DCAKD: variants seen among roughly 807,000 people sequenced by gnomAD.
DCAKD encodes dephospho-CoA kinase domain-containing protein.
In DCAKD, 15 loss-of-function variants were observed where a neutral mutation model predicts 18.7. The ratio of observed to expected loss-of-function variants is 0.80; its 90% CI spans 0.54 to 1.24. The LOEUF is 1.24. DCAKD is among the 50% of genes most tolerant of loss of function. The pLI is 0.00. For synonymous variants in DCAKD, 130 were observed against 133.0 expected, an observed-to-expected ratio of 0.98 and a Z score of 0.16; for missense variants, 301 against 322.0, an observed-to-expected ratio of 0.93 and a Z score of 0.50.
exon 1 of DCAKD, chr17:45,061,082 C>T: frequency 1.5e-6 from 2 of 1,291,164 alleles, no homozygotes; most frequent in Non-Finnish European, 2.0e-6. Flanking sequence ...AACCTTGCGC[C>T]CCTTCTTTCC....
At chr17:45,046,135 C>G (rs1252528926) in intron 1 of DCAKD, among the ~76,000 whole-genome samples, 1 of 152,088 alleles carries the variant, frequency 6.6e-6, no homozygotes, top group African/African-American at 2.4e-5. Context: ...GCAACATCAA[C>G]TATTTTAAAA....
At chr17:45,047,341 G>C (rs186067123) in intron 1 of DCAKD, among the ~76,000 whole-genome samples, 4 of 152,072 alleles carry the variant, frequency 2.6e-5, no homozygotes, top group African/African-American at 9.7e-5. Context: ...GAATGCAGTG[G>C]TGTGATCACA....
chr17:45,027,649 C>T (rs760563945), intron 4 of DCAKD, among the ~76,000 whole-genome samples: 1 of 152,146 alleles, frequency 6.6e-6, no homozygotes, highest in Non-Finnish European at 1.5e-5. Context: ...CCCACCAAAA[C>T]CCATGGCCAC....
At chr17:45,051,720 T>C (rs1287444763), upstream of DCAKD, 1 of 76,544 alleles carries the variant, frequency 1.3e-5, no homozygotes, top group African/African-American at 5.0e-5. Context: ...CGGGAGAGGT[T>C]GGGTGGGCGG....
chr17:45,055,133 ATATGTCTT>A (rs981829958), upstream of DCAKD, among the ~76,000 whole-genome samples: 3 of 152,098 alleles, frequency 2.0e-5, no homozygotes, highest in Admixed American at 6.6e-5. Flanking sequence ...CAGCTCAAAT[ATATGTCTT>A]TCATGATTCA....
intron 3 of DCAKD, among the ~76,000 whole-genome samples, chr17:45,032,734 G>T (rs2053197792): frequency 6.7e-6 from 1 of 148,578 alleles, no homozygotes; most frequent in Admixed American, 6.7e-5. Flanking sequence ...AGTGAGCCGA[G>T]ATCGCTCCAC....
intron 3 of DCAKD, chr17:45,033,735 G>A (rs1451593886): frequency 1.9e-6 from 1 of 529,928 alleles, no homozygotes; most frequent in East Asian, 9.1e-5. Flanking sequence ...AAAGTGCTGG[G>A]ATTACAGGCA....
intron 1 of DCAKD, among the ~76,000 whole-genome samples, chr17:45,035,480 TA>T (rs35837364): frequency 0.4 from 34,702 of 86,736 alleles, 5,172 homozygotes; most frequent in Non-Finnish European, 0.42. Context: ...AGATTCCTTC[TA>T]AAAAAAAAAA....
At chr17:45,048,128 CATATA>C (rs2053611889) in intron 1 of DCAKD, among the ~76,000 whole-genome samples, 1 of 151,974 alleles carries the variant, frequency 6.6e-6, no homozygotes, top group Admixed American at 6.6e-5. Flanking sequence ...GTATCTCATG[CATATA>C]ATCCCAGCAC....
chr17:45,056,799 GCT>G (rs2053785310), intron 1 of DCAKD, among the ~76,000 whole-genome samples: 1 of 151,380 alleles, frequency 6.6e-6, no homozygotes, highest in African/African-American at 2.4e-5. Context: ...ACAGAGCCTC[GCT>G]CTGTCACCCA....
rs116758369 is a variant in DCAKD at position 45,026,975 on chromosome 17, T to G, written c.405-2251A>C. On this transcript the variant is annotated intron_variant, in intron 4 of 4. Coordinates refer to ENST00000651974, the MANE Select transcript of DCAKD (RefSeq NM_001288655.2). ...GGGCTCAGAAATGGTCCTATTCTAG[T>G]TAGTCTAAGACTTGGTACAATTTGT... 4.8e-3 allele frequency among the ~76,000 whole-genome samples: 737 copies of G among 152,354 alleles called. 4 individuals carry two copies. The highest frequency in any genetic ancestry group is 0.016 in the African/African-American group (678 of 41,574).
chr17:45,040,108 C>T (rs12603364), intron 1 of DCAKD, among the ~76,000 whole-genome samples: 14,752 of 144,948 alleles, frequency 0.1, 853 homozygotes, highest in Middle Eastern at 0.15. Flanking sequence ...AAAAAAAAGG[C>T]CGGGTGTGGT....
At chr17:45,051,296 G>A (rs369870898) in intron 1 of DCAKD, 65 bp downstream of exon 1, 2 of 152,256 alleles carry the variant, frequency 1.3e-5, no homozygotes, top group Admixed American at 6.5e-5. Context: ...TAAAACAGAG[G>A]AAATAACACG....
At chr17:45,032,135 GA>G (rs2053182282) in intron 3 of DCAKD, 1 of 985,488 alleles carries the variant, frequency 1.0e-6, no homozygotes, top group Admixed American at 6.1e-5. Context: ...GCATGGGAGA[GA>G]ATGCAGAAAG....
At chr17:45,033,802 A>G (rs2053225155) in intron 3 of DCAKD, 10 of 1,092,916 alleles carry the variant, frequency 9.1e-6, no homozygotes, top group Non-Finnish European at 1.2e-5. Flanking sequence ...CAAATGAAAA[A>G]ATGAGCTGAG....
Position 45,024,233 on chromosome 17 carries a change from A to C in DCAKD, c.*200T>G. 1.5e-6 allele frequency: 1 copy of C among 645,330 alleles called. No homozygotes were observed. Among genetic ancestry groups the C allele is most frequent in the Non-Finnish European group, 2.5e-6 (1 of 396,412 alleles). The allele number at this position is 645,330 out of a possible 1,614,324, so 40.0% of individuals were successfully genotyped here. A position where few individuals can be genotyped will look rare whatever the true frequency, so the allele number is the denominator to read the frequency against. ...TATTTCTTGATCTCAAATAGGATAC[A>C]CTCCAAAGACGGGATGGCCTGGCAC... On this transcript the variant is annotated 3_prime_UTR_variant, in exon 5 of 5. Transcript: ENST00000651974.
upstream of DCAKD, among the ~76,000 whole-genome samples, chr17:45,052,468 G>A (rs2053727246): frequency 6.6e-6 from 1 of 152,136 alleles, no homozygotes; most frequent in Non-Finnish European, 1.5e-5. Flanking sequence ...AAAGTCATGT[G>A]ATTGCAGAGC....
In DCAKD at chr17:45,035,018, C is replaced by T. The variant is rs113973849; in HGVS notation, c.-114-19G>A. ...GAAGGACCTGCTTGGGAGAGGCCAG[C>T]GGGACTGATCAGTTTGGGCCAAAAT... On this transcript the variant is annotated intron_variant, in intron 1 of 4. Transcript: ENST00000651974. 395 of 841,686 alleles carry T rather than the reference C, an allele frequency of 4.7e-4. 1 individual carries two copies. The African/African-American group carries it at 5.6e-3, about 12-fold the overall frequency. The allele number at this position is 841,686 out of a possible 1,614,324, so 52.1% of individuals were successfully genotyped here. A position where few individuals can be genotyped will look rare whatever the true frequency, so the allele number is the denominator to read the frequency against.
chr17:45,047,007 C>T (rs2053585058), intron 1 of DCAKD, among the ~76,000 whole-genome samples: 1 of 151,970 alleles, frequency 6.6e-6, no homozygotes, highest in South Asian at 2.1e-4. Context: ...GGTTTCTAAA[C>T]CTTGGCCTTC....
Sources: allele counts gnomAD v4.1 joint callset (sites outside exome capture counted in the v4.1 genomes callset), GRCh38; gene constraint gnomAD v4.1.1; transcripts MANE v1.5; gene names NCBI Gene and HGNC (gene_info 2026-07-23, HGNC 2026-07-21).